Variants in ADCY8 observed in about 807,000 individuals in gnomAD.
The protein encoded by ADCY8 is adenylate cyclase type 8.
In ADCY8, 51 loss-of-function variants were observed where a neutral mutation model predicts 119.7. The ratio of observed to expected loss-of-function variants is 0.43; its 90% confidence interval spans 0.34 to 0.54. The LOEUF is 0.54. Ranked by LOEUF, ADCY8 falls within the 20% of genes least tolerant of loss-of-function variation. The probability of loss-of-function intolerance (pLI) is 0.03; values close to 1 mark genes in which losing one functional copy is unlikely to be tolerated. For synonymous variants in ADCY8, 665 were observed against 651.0 expected (o/e 1.02, Z -0.33); for missense variants, 1,383 against 1,598.8 (o/e 0.87, Z 2.30).
chr8:130,872,721 T>C (rs947054118), intron 8 of ADCY8, among the ~76,000 whole-genome samples: 2 of 152,052 alleles, frequency 1.3e-5, no homozygotes, highest in East Asian at 1.9e-4. Context: ...CCAGGATGGG[T>C]GAACTGATAA....
chr8:130,835,213 G>T (rs1319219566), intron 12 of ADCY8, among the ~76,000 whole-genome samples: 2 of 152,098 alleles, frequency 1.3e-5, no homozygotes, highest in Non-Finnish European at 2.9e-5. Flanking sequence ...TTCTTGTGTG[G>T]GGTCTGTTTA....
intron 5 of ADCY8, among the ~76,000 whole-genome samples, chr8:130,928,079 G>C (rs922022103): frequency 2.0e-5 from 3 of 151,954 alleles, no homozygotes; most frequent in Non-Finnish European, 4.4e-5. Context: ...GTCCAGCTTG[G>C]GGGAGGTCAA....
At chr8:131,035,501 A>G (rs1160144697) in intron 1 of ADCY8, among the ~76,000 whole-genome samples, 1 of 152,130 alleles carries the variant, frequency 6.6e-6, no homozygotes, top group Non-Finnish European at 1.5e-5. Context: ...GGCCCCTTTT[A>G]GGTTCCATTT....
rs1159449005 is a variant in ADCY8, at chr8:131,040,313, G to A, written c.21C>T (p.Arg7=). ...AGAGTTCCTCGCTGCCTGTAAGGCAGCGCACATCGGAGAGCTCCATGGCTC... is the reference window on the plus strand; with the variant it reads ...AGAGTTCCTCGCTGCCTGTAAGGCAACGCACATCGGAGAGCTCCATGGCTC... MELSDV[R]CLTGSEELYT... is the part of the protein sequence containing the mutation. Residue 7 remains arginine (R), a synonymous_variant, in exon 1 of 18, where the codon CGC becomes CGT. Coordinates refer to ENST00000286355, the MANE Select transcript of ADCY8 (RefSeq NM_001115.3). 1 of 1,536,504 alleles carries A rather than the reference G, an allele frequency of 6.5e-7. No homozygotes were observed. The highest frequency in any genetic ancestry group is 1.2e-5 in the South Asian group (1 of 83,750).
intron 3 of ADCY8, among the ~76,000 whole-genome samples, chr8:130,948,217 T>C (rs1232044830): frequency 1.3e-5 from 2 of 152,078 alleles, no homozygotes; most frequent in Admixed American, 1.3e-4. Context: ...ATTGAAAGGG[T>C]ATTTGAAAGA....
chr8:130,953,988 T>C (rs1821350602), intron 2 of ADCY8, among the ~76,000 whole-genome samples: 2 of 152,198 alleles, frequency 1.3e-5, no homozygotes, highest in African/African-American at 4.8e-5. Context: ...TCTCAATTGC[T>C]GCTGGGTGGG....
At chr8:131,037,998 T>C (rs1279227008) in intron 1 of ADCY8, among the ~76,000 whole-genome samples, 1 of 152,174 alleles carries the variant, frequency 6.6e-6, no homozygotes, top group Non-Finnish European at 1.5e-5. Context: ...ATCACAGGCA[T>C]GTAATTTATA....
intron 11 of ADCY8, among the ~76,000 whole-genome samples, chr8:130,846,885 CCCTTT>C (rs1191724596): frequency 0.085 from 1,504 of 17,616 alleles, 132 homozygotes; most frequent in Admixed American, 0.13. Context: ...CCCTTCCCTT[CCCTTT>C]CCTTCCTTCC....
At chr8:130,814,676 A>T (rs1816280620) in intron 13 of ADCY8, among the ~76,000 whole-genome samples, 1 of 152,238 alleles carries the variant, frequency 6.6e-6, no homozygotes, top group Non-Finnish European at 1.5e-5. Context: ...AACCTCTTAC[A>T]TGGCAGCAGG....
intron 17 of ADCY8, among the ~76,000 whole-genome samples, chr8:130,783,260 C>G (rs1815143160): frequency 6.6e-6 from 1 of 152,196 alleles, no homozygotes; most frequent in Non-Finnish European, 1.5e-5. Flanking sequence ...ATCTGCCATC[C>G]TCAGGAGTAG....
intron 13 of ADCY8, among the ~76,000 whole-genome samples, chr8:130,814,687 C>A (rs1816281234): frequency 6.6e-6 from 1 of 152,170 alleles, no homozygotes; most frequent in Non-Finnish European, 1.5e-5. Context: ...TGGCAGCAGG[C>A]AAGTGAGAGC....
intron 7 of ADCY8, among the ~76,000 whole-genome samples, chr8:130,894,333 G>A (rs1819309886): frequency 1.3e-5 from 2 of 152,144 alleles, no homozygotes; most frequent in African/African-American, 4.8e-5. Flanking sequence ...TAAGAATGGT[G>A]TAATTGGTTT....
intron 2 of ADCY8, among the ~76,000 whole-genome samples, chr8:130,982,147 T>C (rs16904391): frequency 0.19 from 28,357 of 152,216 alleles, 5,434 homozygotes; most frequent in African/African-American, 0.49. Context: ...GCTGGTGTCC[T>C]ACCCACATCG....
At chr8:130,849,531 T>C in intron 10 of ADCY8, 71 bp downstream of exon 10, 1 of 1,511,738 alleles carries the variant, frequency 6.6e-7, no homozygotes, top group East Asian at 2.3e-5. Flanking sequence ...TGCAGGAAGC[T>C]GCAGGCTCCA....
Position 130,943,430 on chromosome 8 carries a change from T to C in ADCY8, c.1274A>G (p.Asn425Ser), listed in dbSNP as rs750970943. 2 of 1,607,196 alleles carry C rather than the reference T, an allele frequency of 1.2e-6. No individual in the cohort carries two copies. Among genetic ancestry groups the C allele is most frequent in the South Asian group, 2.2e-5 (2 of 90,722 alleles). The stretch of plus-strand genomic sequence containing the variant: ...CTGAGCAGACAAGGTCGTGGAGAGG[T>C]TGGTAAATCCTTTAACATCTGCAAA... ...ILFADVKGFT[N>S]LSTTLSAQEL... The change falls in exon 4 of 18, where the codon AAC becomes AGC. Residue 425 changes from asparagine to serine, a missense_variant. Asn to Ser is a conservative substitution (Grantham distance 46). Transcript: ENST00000286355.
At chr8:130,957,473 C>G (rs761518660) in intron 2 of ADCY8, among the ~76,000 whole-genome samples, 2 of 152,116 alleles carry the variant, frequency 1.3e-5, no homozygotes, top group African/African-American at 2.4e-5. Context: ...TGCAACTTGA[C>G]GATGTGATAG....
At chr8:131,017,650 C>T (rs1380586995) in intron 1 of ADCY8, among the ~76,000 whole-genome samples, 1 of 152,166 alleles carries the variant, frequency 6.6e-6, no homozygotes, top group East Asian at 1.9e-4. Context: ...AGGGGCTGTG[C>T]TCACTGATAT....
At chr8:130,937,228 G>T in intron 4 of ADCY8, 28 bp from the exon 5 acceptor site, 1 of 1,605,158 alleles carries the variant, frequency 6.2e-7, no homozygotes, top group Non-Finnish European at 8.5e-7. Flanking sequence ...AGAGGGAAAG[G>T]TCTATGTCAG....
chr8:130,979,304 G>C (rs1324380906), intron 2 of ADCY8, among the ~76,000 whole-genome samples: 1 of 152,148 alleles, frequency 6.6e-6, no homozygotes, highest in South Asian at 2.1e-4. Context: ...TTTAGTGTGT[G>C]TTGAACTATA....
Sources: allele counts gnomAD v4.1 joint callset (sites outside exome capture counted in the v4.1 genomes callset), GRCh38; gene constraint gnomAD v4.1.1; transcripts MANE v1.5; gene names NCBI Gene and HGNC (gene_info 2026-07-23, HGNC 2026-07-21).